MEGF6: variants seen among roughly 807,000 people sequenced by gnomAD.
The protein encoded by MEGF6 is multiple epidermal growth factor-like domains protein 6.
MEGF6 carries 184 observed loss-of-function variants against 207.1 expected under a neutral mutation model. The ratio of observed to expected loss-of-function variants is 0.89; its 90% CI spans 0.79 to 1.00. The LOEUF is 1.00. Among genes scored for constraint, MEGF6 ranks in the 50% least tolerant of loss-of-function variants. The pLI, the probability that MEGF6 is intolerant of heterozygous loss-of-function variation, is 0.00. For missense variants in MEGF6, 2,282 were observed against 2,202.9 expected, an observed-to-expected ratio of 1.04 and a Z score of -0.72; for synonymous variants, 1,038 against 910.0, an observed-to-expected ratio of 1.14 and a Z score of -2.53.
At chr1:3,605,369 T>G (rs111068750) in intron 1 of MEGF6, among the ~76,000 whole-genome samples, 1 of 42,554 alleles carries the variant, frequency 2.3e-5, no homozygotes, top group Admixed American at 2.4e-4. Flanking sequence ...TCACACACAC[T>G]CAATCACACT....
At chr1:3,567,118 G>A (rs183594218) in intron 4 of MEGF6, among the ~76,000 whole-genome samples, 92 of 152,354 alleles carry the variant, frequency 6.0e-4, no homozygotes, top group African/African-American at 2.1e-3. Context: ...CTGGTCGCAC[G>A]GTGCTGGCAG....
intron 17 of MEGF6, among the ~76,000 whole-genome samples, chr1:3,504,854 C>T (rs1196668375): frequency 1.3e-5 from 2 of 152,166 alleles, no homozygotes; most frequent in Non-Finnish European, 2.9e-5. Flanking sequence ...GAGGAGGGAG[C>T]TGCTGCCCCG....
rs537312023 is a variant in MEGF6 at position 3,560,561 on chromosome 1, T to C, written c.481+19264A>G. 1 of 350,994 alleles carries C rather than the reference T, an allele frequency of 2.8e-6. No individual in the cohort carries two copies. Among genetic ancestry groups the C allele is most frequent in the East Asian group, 9.4e-5 (1 of 10,604 alleles). 21.7% of individuals were successfully genotyped at this position (350,994 alleles called of 1,614,324 possible). ...TGGACTGCTGTCCTCACTCAGCAAC[T>C]TGCATTGAGGGGCTGAGAGGCCCCC... is the stretch of plus-strand genomic sequence containing the variant. On this transcript the variant is annotated intron_variant, in intron 4 of 36. Transcript: ENST00000356575. The surrounding 1 kb of genome is among the most constrained non-coding windows in gnomAD (Gnocchi z 4.0).
At position 3,550,187 on chromosome 1, in the gene MEGF6, A is replaced by G. The variant is rs1312488038; in HGVS notation, c.482-25941T>C. ...CAGTCCCACCCCTAAGCACCTGCCCAAGATAAATAGAAACAGGGACTCAAA... is the reference window on the plus strand; with the variant it reads ...CAGTCCCACCCCTAAGCACCTGCCCGAGATAAATAGAAACAGGGACTCAAA... On this transcript the variant is annotated intron_variant, in intron 4 of 36. Transcript: ENST00000356575. 2.6e-5 allele frequency among the ~76,000 whole-genome samples: 4 copies of G among 152,200 alleles called. No individual in the cohort carries two copies. The East Asian group carries it at 5.8e-4, about 22-fold the overall frequency.
chr1:3,623,838 C>T, the MEGF6 span, among the ~76,000 whole-genome samples: 1 of 152,166 alleles, frequency 6.6e-6, no homozygotes, highest in East Asian at 1.9e-4. Context: ...TCTTTGACCA[C>T]CGCTACCCAG....
intron 4 of MEGF6, among the ~76,000 whole-genome samples, chr1:3,576,940 C>T (rs1296057814): frequency 1.4e-5 from 2 of 145,552 alleles, no homozygotes; most frequent in Non-Finnish European, 3.0e-5. Context: ...CCCCTGCACA[C>T]CTGGCCCTGC....
chr1:3,604,226 ACACTCTCCC>A (rs1307411332), intron 1 of MEGF6, among the ~76,000 whole-genome samples: 3 of 152,178 alleles, frequency 2.0e-5, no homozygotes, highest in African/African-American at 7.2e-5. Flanking sequence ...GGTTCTGCCC[ACACTCTCCC>A]GCAGTTTCCC....
rs542890882 is a variant in MEGF6 at position 3,528,043 on chromosome 1, C to T, written c.482-3797G>A. ...CAGGGCCTGGGTGGGGGTGCTGAAG[C>T]GCACCCAGGCTTCCGGTGCCTGCTA... On this transcript the variant is annotated intron_variant, in intron 4 of 36. Transcript: ENST00000356575. 3.2e-3 allele frequency among the ~76,000 whole-genome samples: 480 copies of T among 152,334 alleles called. 3 individuals carry two copies. Among genetic ancestry groups the T allele is most frequent in the African/African-American group, 0.011 (460 of 41,570 alleles).
intron 3 of MEGF6, among the ~76,000 whole-genome samples, chr1:3,593,670 G>A (rs546870789): frequency 2.0e-5 from 3 of 151,782 alleles, no homozygotes; most frequent in East Asian, 1.9e-4. Context: ...CTGCCTCAGA[G>A]TGGAAACCCG....
intron 4 of MEGF6, among the ~76,000 whole-genome samples, chr1:3,559,725 C>T (rs1043237697): frequency 4.6e-5 from 7 of 151,966 alleles, no homozygotes; most frequent in Non-Finnish European, 8.8e-5. Flanking sequence ...AATAAGCACT[C>T]GCCCGGCCGG....
intron 2 of MEGF6, among the ~76,000 whole-genome samples, chr1:3,598,067 C>A: frequency 6.6e-6 from 1 of 152,194 alleles, no homozygotes; most frequent in South Asian, 2.1e-4. Flanking sequence ...CCCGGGCCTG[C>A]CCTGCAGCCT....
chr1:3,570,596 G>C (rs1643468221), intron 4 of MEGF6, among the ~76,000 whole-genome samples: 1 of 152,128 alleles, frequency 6.6e-6, no homozygotes, highest in Admixed American at 6.5e-5. Context: ...CCACCCGCCG[G>C]GGCACACCCG....
intron 4 of MEGF6, among the ~76,000 whole-genome samples, chr1:3,551,134 A>C (rs148548807): frequency 1.6e-3 from 249 of 152,198 alleles, no homozygotes; most frequent in Admixed American, 3.8e-3. Flanking sequence ...CAGATGCCCC[A>C]CAGATGTGAG....
At chr1:3,497,571 G>A (rs776175106) in intron 26 of MEGF6, 41 of 717,964 alleles carry the variant, frequency 5.7e-5, no homozygotes, top group Admixed American at 1.7e-4. Flanking sequence ...CCTCCCCACC[G>A]GCAGGCACAG....
At chr1:3,498,903 C>T in intron 24 of MEGF6, 77 bp from the exon 25 acceptor site, 2 of 1,518,422 alleles carry the variant, frequency 1.3e-6, no homozygotes, top group South Asian at 2.5e-5. Flanking sequence ...TTTCCAGCCC[C>T]ATGTTGGACT....
intron 4 of MEGF6, among the ~76,000 whole-genome samples, chr1:3,564,244 G>C (rs1465551339): frequency 6.6e-6 from 1 of 151,918 alleles, no homozygotes; most frequent in East Asian, 1.9e-4. Context: ...AGCTGAGTCA[G>C]GGGTGCAGGT....
At position 3,512,346 on chromosome 1, in the gene MEGF6, C is replaced by T. The variant is rs1201249085; in HGVS notation, c.854-218G>A. On this transcript the variant is annotated intron_variant, in intron 7 of 36. Transcript: ENST00000356575. ...GCACCCACACAGGTCTCACACTAAG[C>T]CTGTTGCATGACCAGGTGCCAGTGC... Among the ~76,000 whole-genome samples the T allele has an allele frequency of 2.0e-5, 3 of 152,374 alleles. No homozygotes were observed. In the East Asian group the frequency reaches 5.8e-4, roughly 29 times the overall value.
chr1:3,552,438 C>G (rs879683028), intron 4 of MEGF6, among the ~76,000 whole-genome samples: 1 of 152,216 alleles, frequency 6.6e-6, no homozygotes, highest in Non-Finnish European at 1.5e-5. Context: ...GGCTCACGCC[C>G]GTAATCCCAG....
intron 5 of MEGF6, among the ~76,000 whole-genome samples, chr1:3,521,774 A>G (rs981027985): frequency 6.6e-6 from 1 of 152,184 alleles, no homozygotes; most frequent in Non-Finnish European, 1.5e-5. Context: ...GGAACTCGCC[A>G]TCTGGTATCC....
Sources: gnomAD v4.1 joint callset for allele counts (sites outside exome capture counted in the v4.1 genomes callset) on GRCh38, gnomAD v4.1.1 for gene constraint, Gnocchi (gnomAD v3.1) non-coding constraint, MANE v1.5 for transcripts, NCBI Gene and HGNC (gene_info 2026-07-23, HGNC 2026-07-21) for gene names.